FNDC3B: variants seen among roughly 807,000 people sequenced by gnomAD.
The protein encoded by FNDC3B is fibronectin type III domain containing 3B.
FNDC3B carries 12 observed loss-of-function variants against 151.5 expected under a neutral mutation model. The ratio of observed to expected loss-of-function variants is 0.08; its 90% CI spans 0.05 to 0.13. FNDC3B has a LOEUF of 0.13. Ranked by LOEUF, FNDC3B falls within the 10% of genes least tolerant of loss-of-function variation. The pLI is 1.00. For missense variants in FNDC3B, 1,214 were observed against 1,505.3 expected (o/e 0.81, Z 3.20); for synonymous variants, 528 against 549.0 (o/e 0.96, Z 0.54).
intron 1 of FNDC3B, among the ~76,000 whole-genome samples, chr3:172,055,425 C>T (rs1716864956): frequency 6.6e-6 from 1 of 151,954 alleles, no homozygotes; most frequent in Non-Finnish European, 1.5e-5. Flanking sequence ...TAGCTTTTAC[C>T]ATTTGCTTAT....
chr3:172,312,598 A>AT lies in FNDC3B; in HGVS notation c.1254+1727dup, dbSNP rs59940625. On this transcript the variant is annotated intron_variant, in intron 11 of 25. Coordinates refer to ENST00000415807, the MANE Select transcript of FNDC3B (RefSeq NM_022763.4). Reference sequence around the variant, plus strand: ...CGAGGTTCACCAGTACAGAAAAGGCATTTTTTTTTTCAGTTATCTTCTTAG... The same window carrying AT: ...CGAGGTTCACCAGTACAGAAAAGGCATTTTTTTTTTTCAGTTATCTTCTTAG... Among the ~76,000 whole-genome samples the AT allele has an allele frequency of 4.1e-4, 61 of 147,830 alleles. No homozygotes were observed. The East Asian group carries it at 6.2e-3, about 15-fold the overall frequency.
At chr3:172,051,860 T>G (rs1716669768) in intron 1 of FNDC3B, among the ~76,000 whole-genome samples, 1 of 152,228 alleles carries the variant, frequency 6.6e-6, no homozygotes, top group Non-Finnish European at 1.5e-5. Flanking sequence ...AATACATGAC[T>G]TTTTTCATGT....
chr3:172,077,316 C>T (rs1026766836), intron 1 of FNDC3B, among the ~76,000 whole-genome samples: 1 of 151,924 alleles, frequency 6.6e-6, no homozygotes, highest in Non-Finnish European at 1.5e-5. Flanking sequence ...AGGAATTTGT[C>T]ATAGGAGATG....
Position 172,344,389 on chromosome 3 carries a change from T to A in FNDC3B, c.2250+131T>A. ...GCAACCTTGACAACCATTAATGCAG[T>A]GTCTGTAAATCTTAATTCTGAGTTG... On this transcript the variant is annotated intron_variant, in intron 19 of 25. Coordinates refer to ENST00000415807, the MANE Select transcript of FNDC3B (RefSeq NM_022763.4). 5 of 671,678 alleles carry A rather than the reference T, an allele frequency of 7.4e-6. No homozygotes were observed. In the South Asian group the frequency reaches 1.2e-4, roughly 16 times the overall value. 41.6% of individuals were successfully genotyped at this position (671,678 alleles called of 1,614,324 possible).
intron 11 of FNDC3B, among the ~76,000 whole-genome samples, chr3:172,315,930 A>G (rs1048231215): frequency 6.7e-6 from 1 of 149,908 alleles, no homozygotes; most frequent in Non-Finnish European, 1.5e-5. Flanking sequence ...TTGACTGCCC[A>G]TCTTTTTTGG....
intron 25 of FNDC3B, among the ~76,000 whole-genome samples, chr3:172,389,182 T>C (rs775225372): frequency 1.6e-4 from 24 of 152,240 alleles, no homozygotes; most frequent in Non-Finnish European, 3.1e-4. Context: ...AACTCAAAAA[T>C]TTATTTCATT....
intron 2 of FNDC3B, among the ~76,000 whole-genome samples, chr3:172,116,812 C>T (rs562387876): frequency 1.8e-3 from 270 of 152,244 alleles, no homozygotes; most frequent in African/African-American, 6.1e-3. Context: ...GTGATCTGCC[C>T]GCCTTGGCCT....
chr3:172,244,617 CTTTTTT>C (rs11294678), intron 4 of FNDC3B, among the ~76,000 whole-genome samples: 7 of 73,092 alleles, frequency 9.6e-5, no homozygotes, highest in African/African-American at 4.4e-4. Context: ...AATATTTCAC[CTTTTTT>C]TTTTTTTTTT....
intron 11 of FNDC3B, among the ~76,000 whole-genome samples, chr3:172,328,147 G>A (rs911667513): frequency 3.3e-5 from 5 of 152,116 alleles, no homozygotes; most frequent in Admixed American, 6.6e-5. Context: ...TTACTTTAAC[G>A]AATTTGAAGT....
In FNDC3B at chr3:172,040,536, T is replaced by C. The variant is rs1443981404; in HGVS notation, c.-29+765T>C. The stretch of plus-strand genomic sequence containing the variant: ...GGTAACCGGCGGCCGCGGCCGGACT[T>C]GGCGAGCCGGCGGCTGGAAGCTCGG... On this transcript the variant is annotated intron_variant, in intron 1 of 25. Coordinates refer to ENST00000415807, the MANE Select transcript of FNDC3B (RefSeq NM_022763.4). The surrounding 1 kb of genome is among the most constrained non-coding windows in gnomAD (Gnocchi z 6.6). The C allele has an allele frequency of 6.6e-6, 1 of 151,538 alleles. No individual in the cohort carries two copies. The highest frequency in any genetic ancestry group is 1.5e-5 in the Non-Finnish European group (1 of 67,940). The allele number at this position is 151,538 out of a possible 1,614,324, so 9.4% of individuals were successfully genotyped here.
intron 22 of FNDC3B, among the ~76,000 whole-genome samples, chr3:172,357,684 T>C (rs995597830): frequency 6.6e-6 from 1 of 152,124 alleles, no homozygotes; most frequent in African/African-American, 2.4e-5. Flanking sequence ...GCCTTAATAT[T>C]TTCCCCAGAA....
chr3:172,221,021 A>T (rs1483710863), intron 3 of FNDC3B, among the ~76,000 whole-genome samples: 2 of 152,204 alleles, frequency 1.3e-5, no homozygotes, highest in Non-Finnish European at 2.9e-5. Flanking sequence ...GATTAAATTT[A>T]TCACCAGGTA....
chr3:172,185,647 T>C (rs1724136931), intron 3 of FNDC3B, among the ~76,000 whole-genome samples: 3 of 152,232 alleles, frequency 2.0e-5, no homozygotes, highest in African/African-American at 7.2e-5. Context: ...CTGTTTGCAA[T>C]ATGTCATGAT....
At chr3:172,255,837 G>A (rs1378149403) in intron 6 of FNDC3B, among the ~76,000 whole-genome samples, 1 of 152,208 alleles carries the variant, frequency 6.6e-6, no homozygotes, top group Non-Finnish European at 1.5e-5. Context: ...AGCTCTGAGT[G>A]AGAAAGAACT....
chr3:172,223,530 A>T (rs1411975187), intron 3 of FNDC3B, among the ~76,000 whole-genome samples: 3 of 152,226 alleles, frequency 2.0e-5, no homozygotes, highest in African/African-American at 7.2e-5. Flanking sequence ...CATTTTACAC[A>T]AATGACTTTA....
rs145959049 is a variant in FNDC3B, at chr3:172,167,790, T to A, written c.187+34244T>A. On this transcript the variant is annotated intron_variant, in intron 3 of 25. Coordinates refer to ENST00000415807, the MANE Select transcript of FNDC3B (RefSeq NM_022763.4). ...ACTCTCATAGGAGCACGAACCCTAT[T>A]GTGAACTGCGCATGTGAAGGATCTA... is the stretch of plus-strand genomic sequence containing the variant. Among the ~76,000 whole-genome samples, 171 of 152,220 alleles carry A rather than the reference T, an allele frequency of 1.1e-3. 2 individuals carry two copies. In the East Asian group the frequency reaches 0.03, roughly 27 times the overall value.
Position 172,108,062 on chromosome 3 carries a change from G to A in FNDC3B, c.-28-4390G>A, listed in dbSNP as rs1311136434. On this transcript the variant is annotated intron_variant, in intron 1 of 25. Coordinates refer to ENST00000415807, the MANE Select transcript of FNDC3B (RefSeq NM_022763.4). ...ACGTGCCTGTAGTCCCAGCTACTCG[G>A]GAGGCTGAGGCAGGAGAATAGCTTG... 2.6e-5 allele frequency among the ~76,000 whole-genome samples: 4 copies of A among 152,156 alleles called. 1 individual carries two copies. In the South Asian group the frequency reaches 6.2e-4, roughly 24 times the overall value.
intron 3 of FNDC3B, among the ~76,000 whole-genome samples, chr3:172,208,153 C>T (rs1317947208): frequency 6.6e-6 from 1 of 151,976 alleles, no homozygotes; most frequent in Admixed American, 6.5e-5. Flanking sequence ...CTATAGCTGA[C>T]ATTAGTAAGA....
chr3:172,290,892 A>G (rs1386297394), intron 7 of FNDC3B, among the ~76,000 whole-genome samples: 1 of 152,082 alleles, frequency 6.6e-6, no homozygotes, highest in African/African-American at 2.4e-5. Context: ...TTGTGTGGTA[A>G]TATTTCCTTA....
Sources: allele counts gnomAD v4.1 joint callset (sites outside exome capture counted in the v4.1 genomes callset), GRCh38; gene constraint gnomAD v4.1.1; non-coding constraint Gnocchi (gnomAD v3.1); transcripts MANE v1.5; gene names NCBI Gene and HGNC (gene_info 2026-07-23, HGNC 2026-07-21).